Variants in ATG4D observed in about 807,000 individuals in gnomAD.
The protein encoded by ATG4D is autophagy related 4D cysteine peptidase, also known as cysteine protease ATG4D.
ATG4D carries 51 observed loss-of-function variants against 55.2 expected under a neutral mutation model. That is an observed-to-expected ratio of 0.92 (90% confidence interval 0.74 to 1.17). The LOEUF (loss-of-function observed/expected upper bound fraction) is 1.17, where lower values mean the gene tolerates loss of function less well. ATG4D is among the 50% of genes most tolerant of loss of function. The pLI, the probability that ATG4D is intolerant of heterozygous loss-of-function variation, is 0.00. For synonymous variants in ATG4D, 268 were observed against 266.2 expected (o/e 1.01, Z -0.07); for missense variants, 635 against 649.6 (o/e 0.98, Z 0.25).
rs757470389 is a variant in ATG4D, at chr19:10,547,095, G to A, written c.750G>A (p.Ser250=). ...AGGCAGGTGACTGGTATGGGCCATC[G>A]CTAGTGGCACACATCCTCAGGTGAG... is the stretch of plus-strand genomic sequence containing the variant. ...GKKAGDWYGP[S]LVAHILRKAV... is the part of the protein sequence containing the mutation. Residue 250 remains serine (S), a synonymous_variant, in exon 4 of 10, where the codon TCG becomes TCA. Coordinates refer to ENST00000309469, the MANE Select transcript of ATG4D (RefSeq NM_032885.6). 56 of 1,601,930 alleles carry A rather than the reference G, an allele frequency of 3.5e-5. No individual in the cohort carries two copies. Among genetic ancestry groups the A allele is most frequent in the African/African-American group, 1.7e-4 (13 of 74,892 alleles).
Position 10,547,115 on chromosome 19 carries a change from G to C in ATG4D, c.770G>C (p.Arg257Thr). 1 of 1,606,326 alleles carries C rather than the reference G, an allele frequency of 6.2e-7. No homozygotes were observed. The highest frequency in any genetic ancestry group is 8.5e-7 in the Non-Finnish European group (1 of 1,176,376). ...YGPSLVAHIL[R>T]KAVESCSDVT... The stretch of plus-strand genomic sequence containing the variant: ...CCATCGCTAGTGGCACACATCCTCA[G>C]GTGAGGGCTGCTGCAGGGATCACGG... Residue 257 changes from arginine to threonine, a missense_variant and splice_region_variant, in exon 4 of 10, where the codon AGG becomes ACG. Arg to Thr is a moderately conservative substitution (Grantham distance 71, BLOSUM62 -1). Transcript: ENST00000309469.
At chr19:10,547,580 A>C (rs1200340629) in intron 5 of ATG4D, among the ~76,000 whole-genome samples, 1 of 138,376 alleles carries the variant, frequency 7.2e-6, no homozygotes, top group Non-Finnish European at 1.5e-5. Context: ...GTGAGCTGTC[A>C]TTATGCCATT....
At chr19:10,552,594 T>C (rs992057498) in intron 9 of ATG4D, among the ~76,000 whole-genome samples, 1 of 152,184 alleles carries the variant, frequency 6.6e-6, no homozygotes, top group Non-Finnish European at 1.5e-5. Context: ...CGACCAGGAC[T>C]CTACCCTTAT....
chr19:10,545,585 A>G (rs1343181788), intron 3 of ATG4D, among the ~76,000 whole-genome samples: 1 of 143,994 alleles, frequency 6.9e-6, no homozygotes, highest in Non-Finnish European at 1.5e-5. Context: ...AATAAAAATA[A>G]AAAAAAGTTT....
At chr19:10,549,532 C>A (rs1056395690) in intron 6 of ATG4D, among the ~76,000 whole-genome samples, 1 of 152,192 alleles carries the variant, frequency 6.6e-6, no homozygotes, top group Non-Finnish European at 1.5e-5. Context: ...ATTCTCCTGC[C>A]TCAGTCTCCC....
intron 6 of ATG4D, among the ~76,000 whole-genome samples, chr19:10,550,541 C>T (rs572819590): frequency 7.9e-5 from 12 of 152,180 alleles, no homozygotes; most frequent in Non-Finnish European, 1.5e-4. Context: ...TTTGTCCACA[C>T]CACCTTCTTG....
At chr19:10,544,913 C>T in intron 2 of ATG4D, 44 bp from the exon 3 acceptor site, 1 of 1,586,086 alleles carries the variant, frequency 6.3e-7, no homozygotes, top group Non-Finnish European at 8.6e-7. Context: ...TCTCCACGCC[C>T]GCCGGAGTGT....
chr19:10,544,672 C>A, intron 1 of ATG4D, 111 bp from the exon 2 acceptor site: 1 of 1,532,878 alleles, frequency 6.5e-7, no homozygotes. Flanking sequence ...CCGGAGCCAC[C>A]CCGGAGATAG....
At chr19:10,549,898 G>T (rs1332523270) in intron 6 of ATG4D, among the ~76,000 whole-genome samples, 1 of 152,030 alleles carries the variant, frequency 6.6e-6, no homozygotes, top group Non-Finnish European at 1.5e-5. Flanking sequence ...TCACTGTTTG[G>T]AATGAAGCCA....
At chr19:10,551,753 A>G (rs1916245642) in intron 6 of ATG4D, 144 bp from the exon 7 acceptor site, 1 of 678,002 alleles carries the variant, frequency 1.5e-6, no homozygotes, top group African/African-American at 1.8e-5. Context: ...AGTCTCTCAC[A>G]CTAGGATGTC....
chr19:10,553,140 A>C lies in ATG4D; in HGVS notation c.*73A>C. 1 of 1,465,780 alleles carries C rather than the reference A, an allele frequency of 6.8e-7. No individual in the cohort carries two copies. The highest frequency in any genetic ancestry group is 9.1e-7 in the Non-Finnish European group (1 of 1,103,790). The allele number at this position is 1,465,780 out of a possible 1,614,324, so 90.8% of individuals were successfully genotyped here. A position where few individuals can be genotyped will look rare whatever the true frequency, so the allele number is the denominator to read the frequency against. On this transcript the variant is annotated 3_prime_UTR_variant, in exon 10 of 10. Transcript: ENST00000309469. ...ATGTCATGTCGGGTGTGGGATCTTGAGCTCTGGCAGTGATGATGGTACTTC... is the reference window on the plus strand; with the variant it reads ...ATGTCATGTCGGGTGTGGGATCTTGCGCTCTGGCAGTGATGATGGTACTTC...
rs1056994008 is a variant in ATG4D at position 10,545,014 on chromosome 19, G to T, written c.377G>T (p.Arg126Leu). ...FVSRLWLTYR[R>L]DFPPLPGGCL... ...TCCCGCCTGTGGCTCACATACCGCC[G>T]GGACTTCCCGCCCCTTCCTGGGGGC... The change falls in exon 3 of 10, where the codon CGG (arginine) becomes CTG (leucine). Residue 126 changes from arginine (R) to leucine (L), a missense_variant. Transcript: ENST00000309469. 2 of 1,610,146 alleles carry T rather than the reference G, an allele frequency of 1.2e-6. No individual in the cohort carries two copies. Among genetic ancestry groups the T allele is most frequent in the Non-Finnish European group, 1.7e-6 (2 of 1,178,062 alleles).
At chr19:10,548,186 C>T (rs987116055) in intron 5 of ATG4D, among the ~76,000 whole-genome samples, 3 of 151,350 alleles carry the variant, frequency 2.0e-5, no homozygotes, top group African/African-American at 2.4e-5. Flanking sequence ...CGTGCCATCA[C>T]GCCCAGCTAA....
chr19:10,544,608 T>G, intron 1 of ATG4D, 175 bp from the exon 2 acceptor site: 1 of 1,274,298 alleles, frequency 7.8e-7, no homozygotes, highest in Non-Finnish European at 1.1e-6. Context: ...CATCCTGAAT[T>G]GATGGTGGAC....
Position 10,552,351 on chromosome 19 carries a change from G to A in ATG4D, c.1242+27G>A, listed in dbSNP as rs373647217. ...TGAGCAAGAGGAAAGCTGGAGTGGG[G>A]TGAGGGGGGCGGTTGGGCAGGGCTG... On this transcript the variant is annotated intron_variant, in intron 9 of 9. Coordinates refer to ENST00000309469, the MANE Select transcript of ATG4D (RefSeq NM_032885.6). 2.9e-4 allele frequency: 457 copies of A among 1,601,118 alleles called. 2 individuals are homozygous for A. In the South Asian group the frequency reaches 3.0e-3, roughly 11 times the overall value.
rs201813684 is a variant in ATG4D, at chr19:10,547,271, A to G, written c.835+18A>G. 1.8e-5 allele frequency: 29 copies of G among 1,609,330 alleles called. No homozygotes were observed. The East Asian group carries it at 6.5e-4, about 36-fold the overall frequency. On this transcript the variant is annotated intron_variant, in intron 5 of 9. Coordinates refer to ENST00000309469, the MANE Select transcript of ATG4D (RefSeq NM_032885.6). Reference sequence around the variant, plus strand: ...CTGCACAGGTAAGGGGCTGGGAGCCAAGATCACAGGGGCCCCACCCTGAGC... The same window carrying G: ...CTGCACAGGTAAGGGGCTGGGAGCCGAGATCACAGGGGCCCCACCCTGAGC...
In ATG4D at chr19:10,544,767, C is replaced by T. The variant is rs762648457; in HGVS notation, c.236-16C>T. On this transcript the variant is annotated splice_polypyrimidine_tract_variant and intron_variant, in intron 1 of 9. Transcript: ENST00000309469. ...AGTGCTTCATCTCGCTGGGCGCTGC[C>T]CCTACGTCTCCCCAGGTTGGGTGGT... 3 of 1,613,622 alleles carry T rather than the reference C, an allele frequency of 1.9e-6. No homozygotes were observed. The highest frequency in any genetic ancestry group is 2.5e-6 in the Non-Finnish European group (3 of 1,179,942).
At chr19:10,551,829 G>A in intron 6 of ATG4D, 68 bp from the exon 7 acceptor site, 1 of 1,489,428 alleles carries the variant, frequency 6.7e-7, no homozygotes, top group Non-Finnish European at 9.3e-7. Context: ...GGTTCTCACA[G>A]AGGAGGTGTT....
At position 10,547,922 on chromosome 19, in the gene ATG4D, CCT is replaced by C. The variant is rs201385456; in HGVS notation, c.835+670_835+671del. Among the ~76,000 whole-genome samples, 188 of 148,270 alleles carry C rather than the reference CCT, an allele frequency of 1.3e-3. 5 individuals carry two copies. The East Asian group carries it at 0.032, about 26-fold the overall frequency. Reference sequence around the variant, plus strand: ...ATGTTGACAAGGCCGGTCTTGAACTCCTGACCTCAGGTGATTCGCCCACTTTG... The same window carrying C: ...ATGTTGACAAGGCCGGTCTTGAACTCGACCTCAGGTGATTCGCCCACTTTG... On this transcript the variant is annotated intron_variant, in intron 5 of 9. Coordinates refer to ENST00000309469, the MANE Select transcript of ATG4D (RefSeq NM_032885.6).
Sources: gnomAD v4.1 joint callset for allele counts (sites outside exome capture counted in the v4.1 genomes callset) on GRCh38, gnomAD v4.1.1 for gene constraint, MANE v1.5 for transcripts, NCBI Gene and HGNC (gene_info 2026-07-23, HGNC 2026-07-21) for gene names.